ADAMTSL2: variants seen among roughly 807,000 people sequenced by gnomAD.
ADAMTSL2 encodes the protein ADAMTS like 2.
A neutral mutation model predicts 117.0 loss-of-function variants in ADAMTSL2; 55 were observed. That is an observed-to-expected ratio of 0.47 (90% CI 0.38 to 0.59). The LOEUF is 0.59. Among genes scored for constraint, ADAMTSL2 ranks in the 20% least tolerant of loss-of-function variants. ADAMTSL2 has a pLI of 0.00. For missense variants in ADAMTSL2, 1,182 were observed against 1,354.5 expected, an observed-to-expected ratio of 0.87 and a Z score of 2.00; for synonymous variants, 572 against 566.4, an observed-to-expected ratio of 1.01 and a Z score of -0.14.
At chr9:133,574,028 A>G in intron 18 of ADAMTSL2, 41 bp downstream of exon 18, 1 of 1,584,836 alleles carries the variant, frequency 6.3e-7, no homozygotes, top group South Asian at 1.1e-5. Context: ...GGGAATTCCC[A>G]GGGGAGGCGA....
chr9:133,556,348 A>G (rs1830605361), intron 11 of ADAMTSL2, among the ~76,000 whole-genome samples: 1 of 152,172 alleles, frequency 6.6e-6, no homozygotes, highest in South Asian at 2.1e-4. Flanking sequence ...GGGCTCAGAG[A>G]GAGCTAGCGG....
At chr9:133,549,300 G>GAATTGCATTGGTTTCTTTCTCAGGGA (rs141595942) in intron 9 of ADAMTSL2, among the ~76,000 whole-genome samples, 1 of 5,270 alleles carries the variant, frequency 1.9e-4, no homozygotes, top group African/African-American at 5.8e-4. Flanking sequence ...CACCGCGCCC[G>GAATTGCATTGGTTTCTTTCTCAGGGA]GCCCACAGTT....
chr9:133,570,643 G>T, intron 17 of ADAMTSL2, 136 bp downstream of exon 17: 1 of 997,720 alleles, frequency 1.0e-6, no homozygotes, highest in South Asian at 1.4e-5. Context: ...TTTCCTTCCC[G>T]GGAAAGCTTC....
intron 18 of ADAMTSL2, among the ~76,000 whole-genome samples, chr9:133,574,240 G>A (rs1831176546): frequency 1.3e-5 from 2 of 152,178 alleles, no homozygotes; most frequent in South Asian, 2.1e-4. Flanking sequence ...GCTGAGACCT[G>A]TACTTTGGGA....
chr9:133,536,765 C>A lies in ADAMTSL2; in HGVS notation c.53C>A (p.Ala18Glu). 1.2e-6 allele frequency: 2 copies of A among 1,614,234 alleles called. No homozygotes were observed. The highest frequency in any genetic ancestry group is 2.2e-5 in the South Asian group (2 of 91,092). ...TGGGCCTGGTTCCTGCTGGTTCTGG[C>A]AGTTGTAGCTGGGGACACAGTGTCA... is the stretch of plus-strand genomic sequence containing the variant. ...SCWAWFLLVLAVVAGDTVSTG... is the reference protein window; with the variant it reads ...SCWAWFLLVLEVVAGDTVSTG... Residue 18 changes from alanine (A) to glutamate (E), a missense_variant, in exon 2 of 19, where the codon GCA becomes GAA. Ala to Glu is a moderately radical substitution (Grantham distance 107). Around this residue, in one of 3 missense-constraint regions of ADAMTSL2, gnomAD observed 372 missense variants for 463.4 expected, o/e 0.80. Transcript: ENST00000651351.
In ADAMTSL2 at chr9:133,561,247, C is replaced by T. The variant is rs1830721363; in HGVS notation, c.1699C>T (p.Arg567Trp). 2.5e-6 allele frequency: 4 copies of T among 1,608,236 alleles called. No individual in the cohort carries two copies. Among genetic ancestry groups the T allele is most frequent in the South Asian group, 1.1e-5 (1 of 89,694 alleles). The change falls in exon 12 of 19, where the codon CGG becomes TGG. Residue 567 changes from arginine (R) to tryptophan (W), a missense_variant. Physicochemically the swap from Arg to Trp is moderately radical, Grantham distance 101 (BLOSUM62 -3). Transcript: ENST00000651351. ...KQGVSPADMY[R>W]WKLSSHEPCS... ...AGGCGTGAGTCCCGCGGACATGTAC[C>T]GGTGGAAGCTCTCGTCCCACGAGCC...
At chr9:133,539,672 C>CGGCTGTCCT (rs753992426) in intron 4 of ADAMTSL2, 99 bp from the exon 5 acceptor site, 20 of 1,253,038 alleles carry the variant, frequency 1.6e-5, no homozygotes, top group Non-Finnish European at 2.0e-5. Context: ...CCGGCTGTCC[C>CGGCTGTCCT]GGCTGTCCCG....
At chr9:133,565,826 C>G (rs1830958270) in intron 12 of ADAMTSL2, among the ~76,000 whole-genome samples, 1 of 149,796 alleles carries the variant, frequency 6.7e-6, no homozygotes, top group Admixed American at 6.7e-5. Flanking sequence ...AAGGCTGGGT[C>G]TGTCTCCCGT....
In ADAMTSL2 at chr9:133,564,090, GA is replaced by G. The variant is rs1830841786; in HGVS notation, c.1747+2796del. Among the ~76,000 whole-genome samples the G allele has an allele frequency of 2.4e-4, 12 of 49,006 alleles. 2 individuals carry two copies. Among genetic ancestry groups the G allele is most frequent in the Non-Finnish European group, 3.5e-4 (8 of 22,582 alleles). The allele number at this position is 49,006 out of a possible 152,430, so 32.1% of individuals were successfully genotyped here. On this transcript the variant is annotated intron_variant, in intron 12 of 18. Coordinates refer to ENST00000651351, the MANE Select transcript of ADAMTSL2 (RefSeq NM_014694.4). ...ACAGAGAGAAAGGGAGAGAGAGAGA[GA>G]GGGAGAGAGAGAGAGAGAGAAAAAG...
At chr9:133,549,973 A>G (rs1445333351) in intron 9 of ADAMTSL2, among the ~76,000 whole-genome samples, 1 of 152,172 alleles carries the variant, frequency 6.6e-6, no homozygotes, top group African/African-American at 2.4e-5. Context: ...CATGTCTTCT[A>G]TGTGCTGGGC....
intron 18 of ADAMTSL2, 119 bp downstream of exon 18, chr9:133,574,106 T>C (rs2131192821): frequency 1.5e-6 from 2 of 1,359,572 alleles, no homozygotes; most frequent in Non-Finnish European, 2.0e-6. Flanking sequence ...GGAACCAGCT[T>C]GAGAGACCAA....
At chr9:133,555,038 C>T (rs1460844004) in intron 10 of ADAMTSL2, among the ~76,000 whole-genome samples, 6 of 152,012 alleles carry the variant, frequency 3.9e-5, no homozygotes, top group African/African-American at 1.2e-4. Flanking sequence ...GCTCACTCAA[C>T]GAGCACCTGG....
intron 16 of ADAMTSL2, 30 bp downstream of exon 16, chr9:133,569,608 T>TCCTGGTATCTGGAGAGCATTTGGCCA: frequency 6.4e-7 from 1 of 1,551,356 alleles, no homozygotes; most frequent in East Asian, 2.4e-5. Flanking sequence ...CGGAAGGGCC[T>TCCTGGTATCTGGAGAGCATTTGGCCA]CCTGGTATCT....
intron 9 of ADAMTSL2, among the ~76,000 whole-genome samples, chr9:133,549,654 G>C (rs1380829429): frequency 5.0e-5 from 2 of 40,004 alleles, no homozygotes; most frequent in Non-Finnish European, 2.0e-4. Flanking sequence ...CATAGTGCTT[G>C]GATTATAGGC....
In ADAMTSL2 at chr9:133,544,458, T is replaced by G. The variant is rs9802778; in HGVS notation, c.683-12T>G. On this transcript the variant is annotated splice_polypyrimidine_tract_variant and intron_variant, in intron 7 of 18. Coordinates refer to ENST00000651351, the MANE Select transcript of ADAMTSL2 (RefSeq NM_014694.4). ...AATCAAGAGGGGCTCACTGTCATCC[T>G]TTTGCCTCCAGGTTACTCTCTGGTG... 1,423,425 of 1,611,024 alleles carry G rather than the reference T, an allele frequency of 0.88. 635,767 individuals are homozygous for G. The highest frequency in any genetic ancestry group is 0.92 in the Non-Finnish European group (1,087,145 of 1,177,302).
chr9:133,568,295 G>C lies in ADAMTSL2; in HGVS notation c.1897G>C (p.Glu633Gln). The C allele has an allele frequency of 1.3e-6, 2 of 1,572,838 alleles. No individual in the cohort carries two copies. Among genetic ancestry groups the C allele is most frequent in the Non-Finnish European group, 1.7e-6 (2 of 1,160,408 alleles). The change falls in exon 14 of 19, where the codon GAG (glutamate) becomes CAG (glutamine). Residue 633 changes from glutamate (E) to glutamine (Q), a missense_variant. Glu to Gln is a conservative substitution (Grantham distance 29). Coordinates refer to ENST00000651351, the MANE Select transcript of ADAMTSL2 (RefSeq NM_014694.4). ...CAGGTGGGAGACGAGCAGCTGGAGC[G>C]AGTGTTCGCGCACCTGCGGAGAGGG... Reference protein sequence around the residue: ...QPRWETSSWSECSRTCGEGYQ... With the variant: ...QPRWETSSWSQCSRTCGEGYQ...
chr9:133,537,389 G>T lies in ADAMTSL2; in HGVS notation c.91-16G>T, dbSNP rs781005475. ...GCACTTGAGCCCTCTACCATCTGGGGGTCCCTCTCACCCAGGACAACAGCC... is the reference window on the plus strand; with the variant it reads ...GCACTTGAGCCCTCTACCATCTGGGTGTCCCTCTCACCCAGGACAACAGCC... On this transcript the variant is annotated splice_polypyrimidine_tract_variant and intron_variant, in intron 2 of 18. Coordinates refer to ENST00000651351, the MANE Select transcript of ADAMTSL2 (RefSeq NM_014694.4). 3 of 1,334,322 alleles carry T rather than the reference G, an allele frequency of 2.2e-6. No individual in the cohort carries two copies. The highest frequency in any genetic ancestry group is 5.4e-5 in the South Asian group (2 of 37,228). 82.7% of individuals were successfully genotyped at this position (1,334,322 alleles called of 1,614,324 possible). A position where few individuals can be genotyped will look rare whatever the true frequency, so the allele number is the denominator to read the frequency against.
rs754099964 is a variant in ADAMTSL2, at chr9:133,540,866, C to T, written c.559-12C>T. The T allele has an allele frequency of 9.9e-6, 16 of 1,613,268 alleles. No individual in the cohort carries two copies. In the East Asian group the frequency reaches 1.1e-4, roughly 11 times the overall value. ...GCCCTCCCAGCAGCCCTCTCCCTCT[C>T]CCTTCCTGCAGCCCATCGGCTGTGA... is the stretch of plus-strand genomic sequence containing the variant. On this transcript the variant is annotated splice_polypyrimidine_tract_variant and intron_variant, in intron 6 of 18. Coordinates refer to ENST00000651351, the MANE Select transcript of ADAMTSL2 (RefSeq NM_014694.4).
At chr9:133,568,222 G>T in intron 13 of ADAMTSL2, 51 bp from the exon 14 acceptor site, 1 of 1,529,300 alleles carries the variant, frequency 6.5e-7, no homozygotes, top group Non-Finnish European at 8.8e-7. Context: ...GTTGCATGGG[G>T]TCCCGGCTGC....
Sources: allele counts gnomAD v4.1 joint callset (sites outside exome capture counted in the v4.1 genomes callset), GRCh38; gene constraint gnomAD v4.1.1; regional missense constraint gnomAD v4.1.1; transcripts MANE v1.5; gene names NCBI Gene and HGNC (gene_info 2026-07-23, HGNC 2026-07-21).